Variants in PBX3 observed in about 807,000 individuals in gnomAD.
PBX3 encodes pre-B-cell leukemia transcription factor 3.
In PBX3, 14 loss-of-function variants were observed where a neutral mutation model predicts 48.5. The ratio of observed to expected loss-of-function variants is 0.29; its 90% CI spans 0.19 to 0.45. The LOEUF (loss-of-function observed/expected upper bound fraction) is 0.45, where lower values mean the gene tolerates loss of function less well. Among genes scored for constraint, PBX3 ranks in the 20% least tolerant of loss-of-function variants. The pLI is 1.00. For synonymous variants in PBX3, 210 were observed against 200.3 expected, an observed-to-expected ratio of 1.05 and a Z score of -0.41; for missense variants, 386 against 546.7, an observed-to-expected ratio of 0.71 and a Z score of 2.93.
intron 2 of PBX3, among the ~76,000 whole-genome samples, chr9:125,899,366 TACA>T: frequency 1.9e-5 from 1 of 52,770 alleles, no homozygotes; most frequent in South Asian, 4.6e-4. Context: ...TATAAATATA[TACA>T]TATATGTATA....
chr9:125,760,359 T>C (rs1836632713), intron 2 of PBX3, among the ~76,000 whole-genome samples: 1 of 152,192 alleles, frequency 6.6e-6, no homozygotes, highest in Non-Finnish European at 1.5e-5. Flanking sequence ...TTGTGCTTCA[T>C]AGGTTCATTG....
At chr9:125,926,555 G>A (rs888418467) in intron 3 of PBX3, among the ~76,000 whole-genome samples, 1 of 152,012 alleles carries the variant, frequency 6.6e-6, no homozygotes, top group African/African-American at 2.4e-5. Flanking sequence ...ACAGGCTCAT[G>A]CCTATAATCC....
intron 2 of PBX3, among the ~76,000 whole-genome samples, chr9:125,870,655 T>C (rs1840100115): frequency 6.6e-6 from 1 of 152,206 alleles, no homozygotes; most frequent in Non-Finnish European, 1.5e-5. Context: ...AGCCAAACCC[T>C]ATCACCATGT....
intron 2 of PBX3, among the ~76,000 whole-genome samples, chr9:125,873,787 A>G (rs1409740322): frequency 6.6e-6 from 1 of 152,294 alleles, no homozygotes; most frequent in East Asian, 1.9e-4. Flanking sequence ...CTAAAAGAAC[A>G]GCTAGATAAA....
chr9:125,825,801 C>T (rs1838791718), intron 2 of PBX3, among the ~76,000 whole-genome samples: 1 of 152,174 alleles, frequency 6.6e-6, no homozygotes. Flanking sequence ...TCCTGTATTG[C>T]TAACAAGTGT....
At chr9:125,862,156 T>C (rs372729933) in intron 2 of PBX3, among the ~76,000 whole-genome samples, 2 of 152,196 alleles carry the variant, frequency 1.3e-5, no homozygotes, top group Non-Finnish European at 1.5e-5. Context: ...TTGCATTGCC[T>C]GTGTATACAA....
At chr9:125,791,374 T>A (rs1003410357) in intron 2 of PBX3, among the ~76,000 whole-genome samples, 5 of 150,776 alleles carry the variant, frequency 3.3e-5, no homozygotes, top group Non-Finnish European at 7.4e-5. Flanking sequence ...CATCTATCTA[T>A]CTGTCTAGCT....
chr9:125,905,830 A>G (rs1841057780), intron 2 of PBX3, among the ~76,000 whole-genome samples: 2 of 152,022 alleles, frequency 1.3e-5, no homozygotes, highest in Admixed American at 6.6e-5. Context: ...CATTATTAAC[A>G]TAGAAGTCTT....
intron 2 of PBX3, among the ~76,000 whole-genome samples, chr9:125,813,778 A>C (rs1325593800): frequency 6.6e-6 from 1 of 151,954 alleles, no homozygotes; most frequent in African/African-American, 2.4e-5. Context: ...GACATTGAGA[A>C]AACAAGATTT....
intron 2 of PBX3, among the ~76,000 whole-genome samples, chr9:125,786,204 ATCTT>A (rs1243754763): frequency 3.3e-5 from 5 of 152,222 alleles, no homozygotes; most frequent in Non-Finnish European, 7.3e-5. Flanking sequence ...AAGAGCTTGA[ATCTT>A]TCTTTCTAAG....
chr9:125,771,157 G>C (rs1489557280), intron 2 of PBX3, among the ~76,000 whole-genome samples: 1 of 152,138 alleles, frequency 6.6e-6, no homozygotes, highest in Admixed American at 6.5e-5. Context: ...GAAAAGGCTG[G>C]TGCATATTTC....
In PBX3 at chr9:125,823,740, A is replaced by G. The variant is rs190853090; in HGVS notation, c.274+75117A>G. Among the ~76,000 whole-genome samples the G allele has an allele frequency of 1.3e-4, 20 of 152,304 alleles. No individual in the cohort carries two copies. In the Middle Eastern group the frequency reaches 0.01, roughly 78 times the overall value. On this transcript the variant is annotated intron_variant, in intron 2 of 8. Coordinates refer to ENST00000373489, the MANE Select transcript of PBX3 (RefSeq NM_006195.6). Reference sequence around the variant, plus strand: ...GTTAAGAGAAGGAAGTACAGATCCAATGGGAAACAGTTAAAAGATTTGGAA... The same window carrying G: ...GTTAAGAGAAGGAAGTACAGATCCAGTGGGAAACAGTTAAAAGATTTGGAA...
At chr9:125,864,741 T>C (rs1839940875) in intron 2 of PBX3, among the ~76,000 whole-genome samples, 1 of 152,206 alleles carries the variant, frequency 6.6e-6, no homozygotes, top group Non-Finnish European at 1.5e-5. Context: ...GGAGTGGCTA[T>C]AAATACAGAT....
intron 2 of PBX3, among the ~76,000 whole-genome samples, chr9:125,896,900 G>A (rs1225141269): frequency 6.6e-6 from 1 of 151,926 alleles, no homozygotes; most frequent in East Asian, 1.9e-4. Context: ...AATTAAATTG[G>A]CAACTCTTAA....
intron 2 of PBX3, among the ~76,000 whole-genome samples, chr9:125,896,301 C>T (rs539863545): frequency 6.6e-6 from 1 of 152,080 alleles, no homozygotes; most frequent in South Asian, 2.1e-4. Context: ...AGACAAAAAT[C>T]TTCCTTGAAT....
rs1365745552 is a variant in PBX3, at chr9:125,793,367, ATATATATATAT to A, written c.274+44745_274+44755del. On this transcript the variant is annotated intron_variant, in intron 2 of 8. Coordinates refer to ENST00000373489, the MANE Select transcript of PBX3 (RefSeq NM_006195.6). ...ACTCCATTTGGGGGGGAAAAAAAAA[ATATATATATAT>A]ATATATATATATATTTACTATTAAG... Among the ~76,000 whole-genome samples, 13 of 23,250 alleles carry A rather than the reference ATATATATATAT, an allele frequency of 5.6e-4. No individual in the cohort carries two copies. The East Asian group carries it at 0.025, about 44-fold the overall frequency. The allele number at this position is 23,250 out of a possible 152,430, so 15.3% of individuals were successfully genotyped here. A position where few individuals can be genotyped will look rare whatever the true frequency, so the allele number is the denominator to read the frequency against.
At chr9:125,953,197 G>T (rs895076713) in intron 5 of PBX3, among the ~76,000 whole-genome samples, 1 of 152,008 alleles carries the variant, frequency 6.6e-6, no homozygotes, top group Admixed American at 6.6e-5. Flanking sequence ...TAGGACTAAG[G>T]GGCCAGGCAT....
At chr9:125,752,170 C>G (rs906186318) in intron 2 of PBX3, among the ~76,000 whole-genome samples, 1 of 152,060 alleles carries the variant, frequency 6.6e-6, no homozygotes, top group African/African-American at 2.4e-5. Flanking sequence ...CCCTAAATAG[C>G]GTTCATTTAC....
chr9:125,946,947 G>A (rs1842077439), intron 5 of PBX3, among the ~76,000 whole-genome samples: 3 of 152,114 alleles, frequency 2.0e-5, no homozygotes, highest in South Asian at 4.1e-4. Context: ...GGAAAAGTAA[G>A]TCTGCCTCCA....
Sources: allele counts gnomAD v4.1 joint callset (sites outside exome capture counted in the v4.1 genomes callset), GRCh38; gene constraint gnomAD v4.1.1; transcripts MANE v1.5; gene names NCBI Gene and HGNC (gene_info 2026-07-23, HGNC 2026-07-21).